XYLT1: variants seen among roughly 807,000 people sequenced by gnomAD.
XYLT1 encodes beta-D-xylosyltransferase 1.
Under a neutral mutation model 91.3 loss-of-function variants are expected in XYLT1, and 36 were observed. The ratio of observed to expected loss-of-function variants is 0.39; its 90% CI spans 0.30 to 0.52. The LOEUF (loss-of-function observed/expected upper bound fraction) is 0.52. Ranked by LOEUF, XYLT1 falls within the 20% of genes least tolerant of loss-of-function variation. XYLT1 has a pLI of 0.68. For synonymous variants in XYLT1, 588 were observed against 532.0 expected, an observed-to-expected ratio of 1.11 and a Z score of -1.45; for missense variants, 1,242 against 1,284.5, an observed-to-expected ratio of 0.97 and a Z score of 0.51.
chr16:17,251,900 C>T (rs577152781), intron 3 of XYLT1, among the ~76,000 whole-genome samples: 167 of 151,950 alleles, frequency 1.1e-3, no homozygotes, highest in Non-Finnish European at 1.9e-3. Context: ...CAAGAGGTAA[C>T]AGCCAAAGTG....
Position 17,134,729 on chromosome 16 carries a change from C to G in XYLT1, c.1771G>C (p.Ala591Pro). ...TTGCGGGCAAAGAAGGTAGGCCGGGCTGTCTGCTGTACTCATGGGATTAAA... is the reference window on the plus strand; with the variant it reads ...TTGCGGGCAAAGAAGGTAGGCCGGGGTGTCTGCTGTACTCATGGGATTAAA... Reference protein sequence around the residue: ...PQDFHRFQQTARPTFFARKFE... With the variant: ...PQDFHRFQQTPRPTFFARKFE... The change falls in exon 9 of 12, where the codon GCC becomes CCC. Residue 591 changes from alanine (A) to proline (P), a missense_variant. Ala to Pro is a conservative substitution (Grantham distance 27). Coordinates refer to ENST00000261381, the MANE Select transcript of XYLT1 (RefSeq NM_022166.4). 2 of 1,614,138 alleles carry G rather than the reference C, an allele frequency of 1.2e-6. No individual in the cohort carries two copies. Among genetic ancestry groups the G allele is most frequent in the Non-Finnish European group, 1.7e-6 (2 of 1,180,008 alleles).
chr16:17,227,874 G>A (rs1597206805), intron 3 of XYLT1: 2 of 152,350 alleles, frequency 1.3e-5, no homozygotes. Flanking sequence ...AAATGATAGC[G>A]ACTTTGTGGA....
At chr16:17,254,875 C>G (rs959376265) in intron 3 of XYLT1, among the ~76,000 whole-genome samples, 1 of 152,136 alleles carries the variant, frequency 6.6e-6, no homozygotes. Flanking sequence ...ACCCCTAACC[C>G]CAGAATTCTT....
At chr16:17,133,704 T>A (rs1449977024) in intron 9 of XYLT1, among the ~76,000 whole-genome samples, 2 of 152,128 alleles carry the variant, frequency 1.3e-5, no homozygotes, top group African/African-American at 4.8e-5. Context: ...AACGTGAAAG[T>A]CTTGACTGGC....
At chr16:17,139,356 A>G in intron 7 of XYLT1, among the ~76,000 whole-genome samples, 1 of 152,138 alleles carries the variant, frequency 6.6e-6, no homozygotes, top group East Asian at 1.9e-4. Flanking sequence ...GTCTGGGAGA[A>G]GGGAGGGAAG....
At chr16:17,254,425 C>T (rs1055590042) in intron 3 of XYLT1, among the ~76,000 whole-genome samples, 10 of 152,208 alleles carry the variant, frequency 6.6e-5, no homozygotes, top group South Asian at 2.1e-4. Flanking sequence ...GACAGAGTCC[C>T]GCCCTGTTGC....
chr16:17,138,779 A>AACTACCTGACTGTCAAGGGACTCTTATG (rs2030867852), intron 7 of XYLT1: 2 of 438,212 alleles, frequency 4.6e-6, no homozygotes, highest in East Asian at 7.8e-5. Context: ...TGTATAACAC[A>AACTACCTGACTGTCAAGGGACTCTTATG]ACTACCTGAC....
Position 17,259,223 on chromosome 16 carries a change from G to A in XYLT1, c.678C>T (p.Asn226=), listed in dbSNP as rs545243033. 1.2e-6 allele frequency: 2 copies of A among 1,614,038 alleles called. No individual in the cohort carries two copies. Among genetic ancestry groups the A allele is most frequent in the East Asian group, 2.2e-5 (1 of 44,856 alleles). ...VLPPGDRAAA[N]SSHGKDVSRP... ...TGGACACATCCTTCCCGTGGCTGCT[G>A]TTGGCTGCGGCTCTGTCCCCGGGAG... Residue 226 remains asparagine (N), a synonymous_variant, in exon 3 of 12, where the codon AAC becomes AAT. Coordinates refer to ENST00000261381, the MANE Select transcript of XYLT1 (RefSeq NM_022166.4).
intron 10 of XYLT1, 24 bp downstream of exon 10, chr16:17,127,642 A>G: frequency 6.2e-7 from 1 of 1,604,094 alleles, no homozygotes; most frequent in Non-Finnish European, 8.5e-7. Flanking sequence ...ATACAATGAA[A>G]TGTGACAAGA....
rs1287561149 is a variant in XYLT1 at position 17,470,445 on chromosome 16, C to T, written c.352G>A (p.Ala118Thr). ...AAAGGGCATCTTACCAGAGCCCGGG[C>T]GGGCAGTGCCCCCCGGCTGGCCGGC... ...QQPASRGALP[A>T]RALDPHPSPL... Residue 118 changes from alanine to threonine, a missense_variant, in exon 1 of 12, where the codon GCC becomes ACC. This residue lies in a region of XYLT1 where 437 missense variants were observed against 411.5 expected (regional missense o/e 1.06). Coordinates refer to ENST00000261381, the MANE Select transcript of XYLT1 (RefSeq NM_022166.4). 1.6e-6 allele frequency: 2 copies of T among 1,230,696 alleles called. No individual in the cohort carries two copies. Among genetic ancestry groups the T allele is most frequent in the Non-Finnish European group, 2.0e-6 (2 of 987,004 alleles). The allele number at this position is 1,230,696 out of a possible 1,614,324, so 76.2% of individuals were successfully genotyped here.
chr16:17,225,505 A>G (rs2141613614), intron 3 of XYLT1, among the ~76,000 whole-genome samples: 1 of 152,296 alleles, frequency 6.6e-6, no homozygotes, highest in Admixed American at 6.5e-5. Context: ...GCAAACCCAG[A>G]AAGTTTTCTG....
chr16:17,210,327 G>A (rs954682298), intron 3 of XYLT1, among the ~76,000 whole-genome samples: 3 of 151,994 alleles, frequency 2.0e-5, no homozygotes, highest in Non-Finnish European at 2.9e-5. Flanking sequence ...GTGAAACCCC[G>A]TTTCTACTAA....
chr16:17,441,331 G>T (rs1596547464), intron 1 of XYLT1, among the ~76,000 whole-genome samples: 1 of 151,814 alleles, frequency 6.6e-6, no homozygotes, highest in African/African-American at 2.4e-5. Flanking sequence ...GCCACACAGG[G>T]TGTTACTGAA....
intron 2 of XYLT1, among the ~76,000 whole-genome samples, chr16:17,287,142 C>T (rs1428065243): frequency 6.6e-6 from 1 of 152,152 alleles, no homozygotes; most frequent in Non-Finnish European, 1.5e-5. Flanking sequence ...CGCAGAAACA[C>T]TGCAGCCAGC....
intron 5 of XYLT1, among the ~76,000 whole-genome samples, chr16:17,176,625 G>A (rs191287004): frequency 6.6e-5 from 10 of 152,266 alleles, no homozygotes; most frequent in Admixed American, 5.9e-4. Flanking sequence ...CAGCTTACAG[G>A]GTCTCTCCAG....
At chr16:17,439,967 T>C (rs1163644911) in intron 1 of XYLT1, among the ~76,000 whole-genome samples, 1 of 152,162 alleles carries the variant, frequency 6.6e-6, no homozygotes, top group Non-Finnish European at 1.5e-5. Context: ...CAAGGTTTGG[T>C]TCTAAAAAGA....
intron 6 of XYLT1, among the ~76,000 whole-genome samples, chr16:17,146,786 T>G (rs1047848683): frequency 1.3e-5 from 2 of 152,112 alleles, no homozygotes; most frequent in Admixed American, 6.5e-5. Flanking sequence ...GCAATACATC[T>G]CATATGGATA....
chr16:17,138,004 T>TAG, intron 8 of XYLT1, among the ~76,000 whole-genome samples: 1 of 151,116 alleles, frequency 6.6e-6, no homozygotes, highest in East Asian at 2.0e-4. Context: ...GTAACAAATA[T>TAG]TTTGGGAGAT....
At chr16:17,346,562 T>C (rs2035146559) in intron 2 of XYLT1, among the ~76,000 whole-genome samples, 1 of 152,060 alleles carries the variant, frequency 6.6e-6, no homozygotes, top group Non-Finnish European at 1.5e-5. Context: ...TTTAAAAAAT[T>C]TAAAAATCTT....
Sources: allele counts gnomAD v4.1 joint callset (sites outside exome capture counted in the v4.1 genomes callset), GRCh38; gene constraint gnomAD v4.1.1; regional missense constraint gnomAD v4.1.1; transcripts MANE v1.5; gene names NCBI Gene and HGNC (gene_info 2026-07-23, HGNC 2026-07-21).